NCOR1: variants seen among roughly 807,000 people sequenced by gnomAD.
The protein encoded by NCOR1 is nuclear receptor corepressor 1.
A neutral mutation model predicts 288.1 loss-of-function variants in NCOR1; 63 were observed. The ratio of observed to expected loss-of-function variants is 0.22; its 90% confidence interval spans 0.18 to 0.27. The LOEUF (loss-of-function observed/expected upper bound fraction) is 0.27, where lower values mean the gene tolerates loss of function less well. Ranked by LOEUF, NCOR1 falls within the 10% of genes least tolerant of loss-of-function variation. NCOR1 has a pLI of 1.00. For missense variants in NCOR1, 2,397 were observed against 3,019.2 expected, an observed-to-expected ratio of 0.79 and a Z score of 4.83; for synonymous variants, 1,007 against 1,065.9, an observed-to-expected ratio of 0.94 and a Z score of 1.08.
intron 3 of NCOR1, among the ~76,000 whole-genome samples, chr17:16,179,224 AG>A (rs1230839615): frequency 6.6e-6 from 1 of 152,218 alleles, no homozygotes; most frequent in Non-Finnish European, 1.5e-5. Flanking sequence ...AAATTTATAA[AG>A]GTAATTATAT....
At chr17:16,144,466 TG>T (rs2077571971) in intron 10 of NCOR1, among the ~76,000 whole-genome samples, 1 of 152,210 alleles carries the variant, frequency 6.6e-6, no homozygotes, top group Non-Finnish European at 1.5e-5. Flanking sequence ...TTTAAGTTAG[TG>T]GGTACATGTG....
rs192906143 is a variant in NCOR1, at chr17:16,215,368, C to G, written c.-77G>C. 1 of 394,360 alleles carries G rather than the reference C, an allele frequency of 2.5e-6. No individual in the cohort carries two copies. The highest frequency in any genetic ancestry group is 4.4e-5 in the Admixed American group (1 of 22,556). The allele number at this position is 394,360 out of a possible 1,614,324, so 24.4% of individuals were successfully genotyped here. A position where few individuals can be genotyped will look rare whatever the true frequency, so the allele number is the denominator to read the frequency against. On this transcript the variant is annotated 5_prime_UTR_variant, in exon 1 of 46. Transcript: ENST00000268712. The stretch of plus-strand genomic sequence containing the variant: ...GGCGCCAGGGCCTACTCACCGGGAG[C>G]TGGCTAAGCGTGGGAGCCGACGTGC...
intron 27 of NCOR1, among the ~76,000 whole-genome samples, chr17:16,074,908 C>T (rs1393416295): frequency 6.6e-6 from 1 of 152,172 alleles, no homozygotes; most frequent in Admixed American, 6.5e-5. Flanking sequence ...CGCTCTGTCG[C>T]CCAGGCTGGA....
intron 1 of NCOR1, among the ~76,000 whole-genome samples, chr17:16,195,661 G>A (rs2153562581): frequency 6.6e-6 from 1 of 152,298 alleles, no homozygotes; most frequent in South Asian, 2.1e-4. Flanking sequence ...GTGCTTTGCT[G>A]TTGCTGCTAC....
intron 35 of NCOR1, among the ~76,000 whole-genome samples, chr17:16,063,637 C>T (rs1468465205): frequency 6.6e-6 from 1 of 152,210 alleles, no homozygotes; most frequent in Non-Finnish European, 1.5e-5. Flanking sequence ...AAATGTCCCT[C>T]TGATCATGTC....
chr17:16,105,752 G>C (rs974238939), intron 19 of NCOR1, among the ~76,000 whole-genome samples: 6 of 151,576 alleles, frequency 4.0e-5, no homozygotes, highest in South Asian at 2.1e-4. Context: ...AACAAACAAA[G>C]ACAGACAAGC....
chr17:16,178,498 C>CAAAAAA (rs564320622), intron 3 of NCOR1, among the ~76,000 whole-genome samples: 13 of 32,670 alleles, frequency 4.0e-4, no homozygotes, highest in African/African-American at 8.5e-4. Context: ...GACTCCGTCT[C>CAAAAAA]AAAAAAAAAA....
At chr17:16,071,849 T>C (rs948861248) in intron 29 of NCOR1, among the ~76,000 whole-genome samples, 184 bp from the exon 30 acceptor site, 2 of 152,204 alleles carry the variant, frequency 1.3e-5, no homozygotes, top group Non-Finnish European at 2.9e-5. Flanking sequence ...GATCCTCAAA[T>C]CAGTATTTAT....
chr17:16,073,726 T>C (rs904701299), intron 27 of NCOR1, among the ~76,000 whole-genome samples, 157 bp from the exon 28 acceptor site: 118 of 151,920 alleles, frequency 7.8e-4, no homozygotes, highest in African/African-American at 2.7e-3. Flanking sequence ...GAAAATATTT[T>C]CACTCATTCA....
At chr17:16,140,037 T>C (rs1204359041) in intron 11 of NCOR1, among the ~76,000 whole-genome samples, 1 of 152,230 alleles carries the variant, frequency 6.6e-6, no homozygotes, top group Non-Finnish European at 1.5e-5. Flanking sequence ...CCTCAATACA[T>C]AAACTAATTT....
At chr17:16,042,037 ATG>A (rs1285217092) in intron 42 of NCOR1, among the ~76,000 whole-genome samples, 19 of 152,254 alleles carry the variant, frequency 1.2e-4, no homozygotes, top group African/African-American at 4.3e-4. Context: ...CCCGGCCAGA[ATG>A]TGAAATTTCT....
intron 23 of NCOR1, among the ~76,000 whole-genome samples, chr17:16,083,041 GC>G (rs1451598901): frequency 3.3e-5 from 5 of 152,042 alleles, no homozygotes; most frequent in East Asian, 3.9e-4. Context: ...GACCATCCTG[GC>G]CAACATGGTG....
intron 2 of NCOR1, 29 bp downstream of exon 2, chr17:16,194,433 G>A: frequency 7.0e-7 from 1 of 1,419,696 alleles, no homozygotes; most frequent in Non-Finnish European, 9.8e-7. Context: ...CAAAAAACAT[G>A]TGCAATTTGC....
intron 3 of NCOR1, among the ~76,000 whole-genome samples, chr17:16,182,428 A>G (rs1436018795): frequency 6.6e-6 from 1 of 152,060 alleles, no homozygotes; most frequent in Non-Finnish European, 1.5e-5. Flanking sequence ...ATCACAGAAA[A>G]CTTAAATAAA....
At chr17:16,123,882 T>A (rs73280256) in intron 15 of NCOR1, among the ~76,000 whole-genome samples, 4 of 152,180 alleles carry the variant, frequency 2.6e-5, no homozygotes, top group Non-Finnish European at 5.9e-5. Flanking sequence ...AATCATGAAC[T>A]ACCTGGGAAT....
intron 7 of NCOR1, among the ~76,000 whole-genome samples, chr17:16,152,603 G>A (rs1019981675): frequency 1.6e-4 from 25 of 152,082 alleles, no homozygotes; most frequent in Non-Finnish European, 2.6e-4. Context: ...GAATAGTGCC[G>A]CAACAAACAT....
chr17:16,032,299 G>A lies in NCOR1; in HGVS notation c.7320C>T (p.Asp2440=), dbSNP rs1288107754. ...AQYETLSDSD[D] is the part of the protein sequence containing the mutation. ...TGTTCCCCTCACTTTGTGCAGTTCA[G>A]TCATCACTATCCGACAGGGTCTCGT... Residue 2440 remains aspartate, a synonymous_variant, in exon 46 of 46, where the codon GAC becomes GAT. Coordinates refer to ENST00000268712, the MANE Select transcript of NCOR1 (RefSeq NM_006311.4). 1 of 1,611,292 alleles carries A rather than the reference G, an allele frequency of 6.2e-7. No individual in the cohort carries two copies. Among genetic ancestry groups the A allele is most frequent in the Non-Finnish European group, 8.5e-7 (1 of 1,179,048 alleles).
In NCOR1 at chr17:16,072,240, A is replaced by C; in HGVS notation, c.3812-12T>G. ...TCGGCATATCAGCCCTTCCAAAACA[A>C]GAAAGCAATTCAATTATTCAACATA... On this transcript the variant is annotated splice_polypyrimidine_tract_variant and intron_variant, in intron 28 of 45. Coordinates refer to ENST00000268712, the MANE Select transcript of NCOR1 (RefSeq NM_006311.4). The C allele has an allele frequency of 1.9e-6, 3 of 1,595,950 alleles. No individual in the cohort carries two copies. Among genetic ancestry groups the C allele is most frequent in the South Asian group, 2.2e-5 (2 of 89,606 alleles).
chr17:16,130,988 ATTTTTT>A (rs773227977), intron 14 of NCOR1, among the ~76,000 whole-genome samples: 1 of 121,778 alleles, frequency 8.2e-6, no homozygotes, highest in Non-Finnish European at 1.7e-5. Flanking sequence ...CGCACCTGGA[ATTTTTT>A]TTTTTTTTTT....
Sources: gnomAD v4.1 joint callset for allele counts (sites outside exome capture counted in the v4.1 genomes callset) on GRCh38, gnomAD v4.1.1 for gene constraint, MANE v1.5 for transcripts, NCBI Gene and HGNC (gene_info 2026-07-23, HGNC 2026-07-21) for gene names.